PHLDB3: variants seen among roughly 807,000 people sequenced by gnomAD.
PHLDB3 encodes the protein pleckstrin homology-like domain family B member 3.
PHLDB3 carries 86 observed loss-of-function variants against 85.7 expected under a neutral mutation model. That is an observed-to-expected ratio of 1.00 (90% CI 0.84 to 1.20). The LOEUF is 1.20. Among genes scored for constraint, PHLDB3 ranks in the 50% most tolerant of loss-of-function variants. The pLI, the probability that PHLDB3 is intolerant of heterozygous loss-of-function variation, is 0.00. For missense variants in PHLDB3, 995 were observed against 873.0 expected (o/e 1.14, Z -1.76); for synonymous variants, 376 against 349.8 (o/e 1.07, Z -0.83).
chr19:43,495,944 A>C (rs1971447146), intron 6 of PHLDB3: 1 of 236,314 alleles, frequency 4.2e-6, no homozygotes. Flanking sequence ...AGACAACCCG[A>C]GACGAAGGAA....
Position 43,478,062 on chromosome 19 carries a change from T to C in PHLDB3, c.1773A>G (p.Leu591=). The C allele has an allele frequency of 6.2e-7, 1 of 1,613,092 alleles. No homozygotes were observed. Among genetic ancestry groups the C allele is most frequent in the Non-Finnish European group, 8.5e-7 (1 of 1,179,152 alleles). ...GGGGCTTCACCTTGAAGGCACAGCGTAAGTGGTCATAATAGACTTCCTCAA... is the reference window on the plus strand; with the variant it reads ...GGGGCTTCACCTTGAAGGCACAGCGCAAGTGGTCATAATAGACTTCCTCAA... ...QAIEEVYYDH[L]RCAFKSPNPR... is the part of the protein sequence containing the mutation. Residue 591 remains leucine (L), a synonymous_variant, in exon 15 of 16, where the codon TTA becomes TTG. Transcript: ENST00000292140.
intron 4 of PHLDB3, chr19:43,501,529 A>G: frequency 1.1e-6 from 1 of 944,282 alleles, no homozygotes; most frequent in Non-Finnish European, 1.5e-6. Flanking sequence ...GCAAACGGAC[A>G]GGGGACAAAG....
chr19:43,490,132 C>G (rs1041750887), intron 9 of PHLDB3, among the ~76,000 whole-genome samples: 5 of 151,844 alleles, frequency 3.3e-5, no homozygotes, highest in African/African-American at 9.7e-5. Flanking sequence ...CAAATAAGGT[C>G]TGTGGATTCT....
intron 2 of PHLDB3, among the ~76,000 whole-genome samples, chr19:43,502,532 T>C (rs1971636913): frequency 2.7e-5 from 4 of 147,658 alleles, no homozygotes; most frequent in Admixed American, 6.9e-5. Flanking sequence ...CACTGCAGCA[T>C]CGACCTCCCT....
chr19:43,494,278 G>A (rs1373310275), intron 9 of PHLDB3, among the ~76,000 whole-genome samples: 1 of 152,096 alleles, frequency 6.6e-6, no homozygotes, highest in Non-Finnish European at 1.5e-5. Context: ...CCAAAGTGCT[G>A]GGATTACAGG....
rs540170595 is a variant in PHLDB3, at chr19:43,501,615, G to A, written c.534+119C>T. On this transcript the variant is annotated intron_variant, in intron 4 of 15. Coordinates refer to ENST00000292140, the MANE Select transcript of PHLDB3 (RefSeq NM_198850.4). Reference sequence around the variant, plus strand: ...GCATCTGCCCCTCACTCTCTCAGGAGCCCAAATGTCTTCCTTTGGGGAATG... The same window carrying A: ...GCATCTGCCCCTCACTCTCTCAGGAACCCAAATGTCTTCCTTTGGGGAATG... 3 of 1,485,600 alleles carry A rather than the reference G, an allele frequency of 2.0e-6. No individual in the cohort carries two copies. In the South Asian group the frequency reaches 3.9e-5, roughly 19 times the overall value. The allele number at this position is 1,485,600 out of a possible 1,614,324, so 92.0% of individuals were successfully genotyped here. A position where few individuals can be genotyped will look rare whatever the true frequency, so the allele number is the denominator to read the frequency against.
intron 4 of PHLDB3, among the ~76,000 whole-genome samples, chr19:43,499,865 G>T (rs1383875336): frequency 6.6e-6 from 1 of 151,456 alleles, no homozygotes; most frequent in Non-Finnish European, 1.5e-5. Context: ...TCAGCCTCCC[G>T]AATAGCTGGG....
Position 43,501,714 on chromosome 19 carries a change from AC to A in PHLDB3, c.534+19del, listed in dbSNP as rs1438562194. On this transcript the variant is annotated intron_variant, in intron 4 of 15. Transcript: ENST00000292140. ...ACCAGGAAGGACACTGCTGATGAAG[AC>A]CCGGTGAGCCAAACAGACCTGTTCC... The A allele has an allele frequency of 3.2e-6, 5 of 1,574,930 alleles. No individual in the cohort carries two copies. The highest frequency in any genetic ancestry group is 1.1e-5 in the South Asian group (1 of 87,220).
chr19:43,487,517 A>G (rs1242653858), intron 9 of PHLDB3, among the ~76,000 whole-genome samples: 5 of 142,862 alleles, frequency 3.5e-5, no homozygotes, highest in South Asian at 4.7e-4. Context: ...GGAGATTGCA[A>G]TGAGCTGAGA....
chr19:43,488,832 C>T (rs935286905), intron 9 of PHLDB3, among the ~76,000 whole-genome samples: 3 of 151,306 alleles, frequency 2.0e-5, no homozygotes, highest in African/African-American at 7.3e-5. Flanking sequence ...TGGAGTCTCA[C>T]TCTGTTGCCC....
intron 9 of PHLDB3, among the ~76,000 whole-genome samples, chr19:43,490,468 G>A (rs1414024296): frequency 6.6e-6 from 1 of 151,972 alleles, no homozygotes; most frequent in Non-Finnish European, 1.5e-5. Context: ...CAGGAGAATC[G>A]CTTGAGTCTG....
At position 43,479,553 on chromosome 19, in the gene PHLDB3, A is replaced by C. The variant is rs1048989019; in HGVS notation, c.1526T>G (p.Leu509Trp). 4.9e-5 allele frequency: 63 copies of C among 1,283,300 alleles called. No individual in the cohort carries two copies. The Admixed American group carries it at 8.8e-4, about 18-fold the overall frequency. The allele number at this position is 1,283,300 out of a possible 1,614,324, so 79.5% of individuals were successfully genotyped here. A position where few individuals can be genotyped will look rare whatever the true frequency, so the allele number is the denominator to read the frequency against. The change falls in exon 14 of 16, where the codon TTG becomes TGG. Residue 509 changes from leucine to tryptophan, a missense_variant. Physicochemically the swap from Leu to Trp is moderately conservative, Grantham distance 61. Transcript: ENST00000292140. ...TCCCTCCAGATGCTGCCGGAGATCC[A>C]AGATTCGCGGGCCTGGAGGGTGGGG... ...TPPHPPGPRI[L>W]DLRQHLEGWG...
Position 43,501,750 on chromosome 19 carries a change from C to A in PHLDB3, c.518G>T (p.Arg173Leu). The change falls in exon 4 of 16, where the codon CGC becomes CTC. Residue 173 changes from arginine to leucine, a missense_variant. By Grantham distance (102) the Arg-to-Leu change is moderately radical (BLOSUM62 -2). Transcript: ENST00000292140. ...EQQAASEQRGRQQREQEQRRL... is the reference protein window; with the variant it reads ...EQQAASEQRGLQQREQEQRRL... ...CAAACAGACCTGTTCCCGCTGCTGGCGGCCGCGCTGCTCCGAGGCCGCCTG... is the reference window on the plus strand; with the variant it reads ...CAAACAGACCTGTTCCCGCTGCTGGAGGCCGCGCTGCTCCGAGGCCGCCTG... The A allele has an allele frequency of 6.3e-7, 1 of 1,583,630 alleles. No homozygotes were observed. The highest frequency in any genetic ancestry group is 1.3e-5 in the African/African-American group (1 of 74,494).
At chr19:43,486,138 C>G in intron 13 of PHLDB3, 128 bp downstream of exon 13, 1 of 1,409,380 alleles carries the variant, frequency 7.1e-7, no homozygotes. Flanking sequence ...TTCCCTTTCC[C>G]TTGCCAAGCC....
At chr19:43,480,276 A>AT (rs1368529063) in intron 13 of PHLDB3, among the ~76,000 whole-genome samples, 1 of 149,432 alleles carries the variant, frequency 6.7e-6, no homozygotes, top group African/African-American at 2.5e-5. Context: ...AAAAAAAAAA[A>AT]AAAAAAAAAA....
Position 43,475,319 on chromosome 19 carries a change from G to A in PHLDB3, c.*91C>T. ...GAGAGTTCCAAAGCGGTGCGTCCAA[G>A]TTTTCCGGCAGTGGGCGGGGCCTAG... On this transcript the variant is annotated 3_prime_UTR_variant, in exon 16 of 16. Coordinates refer to ENST00000292140, the MANE Select transcript of PHLDB3 (RefSeq NM_198850.4). The A allele has an allele frequency of 2.0e-6, 3 of 1,516,868 alleles. No individual in the cohort carries two copies. The highest frequency in any genetic ancestry group is 2.1e-5 in the Admixed American group (1 of 47,920). The allele number at this position is 1,516,868 out of a possible 1,614,324, so 94.0% of individuals were successfully genotyped here.
intron 2 of PHLDB3, among the ~76,000 whole-genome samples, chr19:43,502,731 C>G (rs1478531699): frequency 6.7e-6 from 1 of 150,048 alleles, no homozygotes; most frequent in Admixed American, 6.7e-5. Flanking sequence ...GCTACGATTA[C>G]AGGCATAAGC....
At chr19:43,484,414 A>C (rs1435175654) in intron 13 of PHLDB3, among the ~76,000 whole-genome samples, 1 of 151,924 alleles carries the variant, frequency 6.6e-6, no homozygotes, top group Non-Finnish European at 1.5e-5. Flanking sequence ...TAAAAAAAAA[A>C]AAAAACTTAT....
Position 43,486,637 on chromosome 19 carries a change from G to A in PHLDB3, c.1400C>T (p.Ala467Val), listed in dbSNP as rs200865883. 45 of 1,613,838 alleles carry A rather than the reference G, an allele frequency of 2.8e-5. No homozygotes were observed. In the East Asian group the frequency reaches 3.6e-4, roughly 13 times the overall value. The change falls in exon 12 of 16, where the codon GCG becomes GTG. Residue 467 changes from alanine to valine, a missense_variant. Ala to Val is a moderately conservative substitution (Grantham distance 64). Coordinates refer to ENST00000292140, the MANE Select transcript of PHLDB3 (RefSeq NM_198850.4). ...GGCCTTGAGCAGCCGCTCCCTCTCCGCCATGGCCTGCTGCAGGAGCCGCTC... is the reference window on the plus strand; with the variant it reads ...GGCCTTGAGCAGCCGCTCCCTCTCCACCATGGCCTGCTGCAGGAGCCGCTC... ...HMERLLQQAM[A>V]ERERLLKARE...
Sources: allele counts gnomAD v4.1 joint callset (sites outside exome capture counted in the v4.1 genomes callset), GRCh38; gene constraint gnomAD v4.1.1; transcripts MANE v1.5; gene names NCBI Gene and HGNC (gene_info 2026-07-23, HGNC 2026-07-21).